Variants in TMEM242 observed in about 807,000 individuals in gnomAD.
TMEM242 encodes transmembrane protein 242, also known as UPF0463 transmembrane protein C6orf35.
TMEM242 carries 10 observed loss-of-function variants against 18.2 expected under a neutral mutation model. The observed-to-expected ratio is 0.55, with a 90% CI of 0.34 to 0.93. The LOEUF is 0.93. Among genes scored for constraint, TMEM242 ranks in the 40% least tolerant of loss-of-function variants. The pLI, the probability that TMEM242 is intolerant of heterozygous loss-of-function variation, is 0.02. For missense variants in TMEM242, 186 were observed against 175.5 expected, an observed-to-expected ratio of 1.06 and a Z score of -0.34; for synonymous variants, 57 against 69.9, an observed-to-expected ratio of 0.81 and a Z score of 0.92.
intron 3 of TMEM242, among the ~76,000 whole-genome samples, chr6:157,297,245 A>T (rs587700739): frequency 6.6e-6 from 1 of 152,336 alleles, no homozygotes; most frequent in Admixed American, 6.5e-5. Flanking sequence ...TGCACAGCCT[A>T]TGTGCTTACT....
intron 3 of TMEM242, chr6:157,299,669 A>G: frequency 1.2e-6 from 2 of 1,610,412 alleles, no homozygotes; most frequent in Non-Finnish European, 1.7e-6. Flanking sequence ...GAAGATGGCC[A>G]CATTTCGCTG....
chr6:157,322,904 T>C, intron 1 of TMEM242, 99 bp from the exon 2 acceptor site: 1 of 992,316 alleles, frequency 1.0e-6, no homozygotes, highest in South Asian at 1.6e-5. Flanking sequence ...CTATTCGAGT[T>C]ACAATCAAAA....
intron 3 of TMEM242, among the ~76,000 whole-genome samples, chr6:157,295,882 AG>A: frequency 6.6e-6 from 1 of 152,294 alleles, no homozygotes. Context: ...AGATATAAAC[AG>A]GGCCTCAAGT....
At chr6:157,310,375 C>A (rs1777985616) in intron 3 of TMEM242, among the ~76,000 whole-genome samples, 1 of 145,928 alleles carries the variant, frequency 6.9e-6, no homozygotes, top group African/African-American at 2.5e-5. Context: ...TCCCAGTGTG[C>A]ACTCACCTGG....
chr6:157,310,360 T>C (rs1384767615), intron 3 of TMEM242, among the ~76,000 whole-genome samples: 3 of 124,792 alleles, frequency 2.4e-5, no homozygotes, highest in Non-Finnish European at 5.4e-5. Context: ...AACTGAATCA[T>C]AGCATCCCAG....
Position 157,290,604 on chromosome 6 carries a change from C to T in TMEM242, c.*2297G>A, listed in dbSNP as rs1777672125. The T allele has an allele frequency of 6.6e-6, 1 of 152,150 alleles. No individual in the cohort carries two copies. The allele number at this position is 152,150 out of a possible 1,614,324, so 9.4% of individuals were successfully genotyped here. A position where few individuals can be genotyped will look rare whatever the true frequency, so the allele number is the denominator to read the frequency against. On this transcript the variant is annotated 3_prime_UTR_variant, in exon 4 of 4. Coordinates refer to ENST00000400788, the MANE Select transcript of TMEM242 (RefSeq NM_018452.6). ...GTTCAACATTTTTCCTTTCCATTAACCAATTTAACAATATGCCTCTGGTAC... is the reference window on the plus strand; with the variant it reads ...GTTCAACATTTTTCCTTTCCATTAATCAATTTAACAATATGCCTCTGGTAC...
At chr6:157,303,608 A>T (rs1470367363) in intron 3 of TMEM242, among the ~76,000 whole-genome samples, 1 of 152,188 alleles carries the variant, frequency 6.6e-6, no homozygotes, top group African/African-American at 2.4e-5. Flanking sequence ...GGAAAGCTTT[A>T]AAAAAATAAT....
intron 3 of TMEM242, among the ~76,000 whole-genome samples, chr6:157,294,148 A>G (rs1381329711): frequency 6.6e-6 from 1 of 152,106 alleles, no homozygotes; most frequent in Non-Finnish European, 1.5e-5. Context: ...TTTACATTGG[A>G]CAGTACTAGT....
At chr6:157,301,911 G>A (rs1777835833) in intron 3 of TMEM242, among the ~76,000 whole-genome samples, 1 of 152,116 alleles carries the variant, frequency 6.6e-6, no homozygotes, top group African/African-American at 2.4e-5. Context: ...CAGCCTGGGC[G>A]ATAGAGCAAG....
intron 3 of TMEM242, among the ~76,000 whole-genome samples, chr6:157,312,466 G>GCGCTCACCTGGCCT (rs1778189714): frequency 3.5e-5 from 1 of 28,422 alleles, no homozygotes; most frequent in Non-Finnish European, 6.8e-5. Context: ...GCCCCAGCGT[G>GCGCTCACCTGGCCT]CACTCACCTA....
chr6:157,298,704 G>C (rs1777784078), intron 3 of TMEM242, among the ~76,000 whole-genome samples: 1 of 152,222 alleles, frequency 6.6e-6, no homozygotes, highest in Non-Finnish European at 1.5e-5. Flanking sequence ...GTATAAGCCA[G>C]CAAGAAGAAA....
rs587634685 is a variant in TMEM242 at position 157,299,231 on chromosome 6, TTC to T, written c.328-6234_328-6233del. The T allele has an allele frequency of 8.0e-4, 572 of 715,458 alleles. 1 individual carries two copies. The highest frequency in any genetic ancestry group is 4.9e-3 in the Middle Eastern group (20 of 4,058). 44.3% of individuals were successfully genotyped at this position (715,458 alleles called of 1,614,324 possible). Reference sequence around the variant, plus strand: ...TTCTCCTAAGATTCTTCAAAATACTTTCTGTTAAATCAGCTACAGATAGGCCA... The same window carrying T: ...TTCTCCTAAGATTCTTCAAAATACTTTGTTAAATCAGCTACAGATAGGCCA... On this transcript the variant is annotated intron_variant, in intron 3 of 3. Transcript: ENST00000400788.
Position 157,317,453 on chromosome 6 carries a change from C to G in TMEM242, c.327+1329G>C, listed in dbSNP as rs150772523. On this transcript the variant is annotated intron_variant, in intron 3 of 3. Coordinates refer to ENST00000400788, the MANE Select transcript of TMEM242 (RefSeq NM_018452.6). ...TCCCTCTTCAGTAGGGTACTTTCCC[C>G]TCATTCCCCAACCTCTTAACATTAG... Among the ~76,000 whole-genome samples, 1,065 of 152,318 alleles carry G rather than the reference C, an allele frequency of 7.0e-3. 15 individuals are homozygous for G. Among genetic ancestry groups the G allele is most frequent in the African/African-American group, 0.024 (1,017 of 41,568 alleles).
At chr6:157,312,184 CAT>C (rs1554249157) in intron 3 of TMEM242, among the ~76,000 whole-genome samples, 1 of 148,602 alleles carries the variant, frequency 6.7e-6, no homozygotes, top group African/African-American at 2.5e-5. Context: ...CCGGCCTCAT[CAT>C]AGTGTCCCAG....
chr6:157,306,996 T>C (rs1554247970), intron 3 of TMEM242, among the ~76,000 whole-genome samples: 1 of 152,268 alleles, frequency 6.6e-6, no homozygotes, highest in Admixed American at 6.5e-5. Context: ...CATCATTTTC[T>C]GATATACCGG....
intron 3 of TMEM242, among the ~76,000 whole-genome samples, chr6:157,310,081 CCTT>C (rs1554248212): frequency 2.0e-5 from 3 of 152,158 alleles, no homozygotes; most frequent in African/African-American, 7.2e-5. Context: ...TAATGTTTCT[CCTT>C]CTAAGGGGAG....
At chr6:157,313,295 A>C (rs797033163) in intron 3 of TMEM242, among the ~76,000 whole-genome samples, 783 of 9,978 alleles carry the variant, frequency 0.078, no homozygotes, top group South Asian at 0.1. Flanking sequence ...CTCATCCGGC[A>C]TCATCATAGT....
At chr6:157,313,548 A>T (rs1778284852) in intron 3 of TMEM242, among the ~76,000 whole-genome samples, 1 of 59,698 alleles carries the variant, frequency 1.7e-5, no homozygotes, top group Non-Finnish European at 5.2e-5. Context: ...ATAGTGCCCC[A>T]GTGTTCGCTC....
intron 3 of TMEM242, among the ~76,000 whole-genome samples, chr6:157,294,798 C>A (rs1777730810): frequency 6.6e-6 from 1 of 152,224 alleles, no homozygotes; most frequent in Non-Finnish European, 1.5e-5. Flanking sequence ...TTACTCCTAG[C>A]ACTGCTGCAA....
Sources: gnomAD v4.1 joint callset for allele counts (sites outside exome capture counted in the v4.1 genomes callset) on GRCh38, gnomAD v4.1.1 for gene constraint, MANE v1.5 for transcripts, NCBI Gene and HGNC (gene_info 2026-07-23, HGNC 2026-07-21) for gene names.